The following ADA2 variants were observed in gnomAD, a reference collection of about 807,000 sequenced individuals.
ADA2 encodes adenosine deaminase CECR1.
A neutral mutation model predicts 44.2 loss-of-function variants in ADA2; 29 were observed. The observed-to-expected ratio is 0.66, with a 90% CI of 0.49 to 0.89. The LOEUF (loss-of-function observed/expected upper bound fraction) is 0.89, where lower values mean the gene tolerates loss of function less well. Among genes scored for constraint, ADA2 ranks in the 40% least tolerant of loss-of-function variants. The pLI is 0.00. For missense variants in ADA2, 637 were observed against 644.8 expected, an observed-to-expected ratio of 0.99 and a Z score of 0.13; for synonymous variants, 215 against 234.9, an observed-to-expected ratio of 0.92 and a Z score of 0.77.
At chr22:17,199,317 G>A (rs2062239190) in intron 4 of ADA2, among the ~76,000 whole-genome samples, 1 of 147,302 alleles carries the variant, frequency 6.8e-6, no homozygotes, top group Non-Finnish European at 1.5e-5. Context: ...GGAAGCCAGT[G>A]CTCTGGCCCT....
At position 17,203,581 on chromosome 22, in the gene ADA2, G is replaced by C. The variant is rs143648454; in HGVS notation, c.735C>G (p.Ile245Met). The C allele has an allele frequency of 1.4e-5, 22 of 1,612,378 alleles. No homozygotes were observed. The highest frequency in any genetic ancestry group is 1.4e-5 in the Non-Finnish European group (17 of 1,179,810). ...FYEDNVLYME[I>M]RARLLPVYEL... The stretch of plus-strand genomic sequence containing the variant: ...GGCTCACCGGCAGCAGCCTGGCTCT[G>C]ATCTCCATGTAGAGCACGTTGTCCT... Residue 245 changes from isoleucine to methionine, a missense_variant, in exon 4 of 10, where the codon ATC becomes ATG. By Grantham distance (10) the Ile-to-Met change is conservative. Transcript: ENST00000399837.
chr22:17,200,959 A>G (rs2401075), intron 4 of ADA2, among the ~76,000 whole-genome samples: 11,967 of 151,304 alleles, frequency 0.079, 524 homozygotes, highest in Middle Eastern at 0.14. Flanking sequence ...TGAGACCCAC[A>G]AACTGGAATA....
intron 1 of ADA2, among the ~76,000 whole-genome samples, chr22:17,218,409 G>T (rs5748957): frequency 0.54 from 81,464 of 151,824 alleles, 23,285 homozygotes; most frequent in East Asian, 0.88. Context: ...AGTGCTGGAC[G>T]TCAGCAGAAC....
chr22:17,209,474 G>A lies in ADA2; in HGVS notation c.204C>T (p.Ile68=), dbSNP rs1469448141. The A allele has an allele frequency of 2.5e-6, 4 of 1,614,094 alleles. No homozygotes were observed. The highest frequency in any genetic ancestry group is 1.3e-5 in the African/African-American group (1 of 75,006). ...LANERLMTLK[I]AEMKEAMRTL... is the part of the protein sequence containing the mutation. ...TCCTCATGGCCTCCTTCATCTCAGC[G>A]ATTTTGAGCGTCATGAGCCTCTCAT... The change falls in exon 2 of 10, where the codon ATC becomes ATT. Residue 68 remains isoleucine (I), a synonymous_variant. Coordinates refer to ENST00000399837, the MANE Select transcript of ADA2 (RefSeq NM_001282225.2).
At chr22:17,214,731 A>T (rs2062452673) in intron 1 of ADA2, among the ~76,000 whole-genome samples, 1 of 152,224 alleles carries the variant, frequency 6.6e-6, no homozygotes, top group South Asian at 2.1e-4. Flanking sequence ...GTGGCAGAAC[A>T]GCCACCTAAG....
intron 4 of ADA2, among the ~76,000 whole-genome samples, chr22:17,194,503 C>T (rs1418297779): frequency 6.6e-6 from 1 of 152,048 alleles, no homozygotes; most frequent in Non-Finnish European, 1.5e-5. Context: ...GGTGCTGCCC[C>T]GCTGCCTGGG....
At position 17,194,525 on chromosome 22, in the gene ADA2, G is replaced by C. The variant is rs192261329; in HGVS notation, c.754-2715C>G. ...CCCCGCTGCCTGGGCAGGCGCAGTG[G>C]GGGAGCAGGCAGTGAGGCTCTCCAC... is the stretch of plus-strand genomic sequence containing the variant. On this transcript the variant is annotated intron_variant, in intron 4 of 9. Coordinates refer to ENST00000399837, the MANE Select transcript of ADA2 (RefSeq NM_001282225.2). Among the ~76,000 whole-genome samples, 7 of 152,274 alleles carry C rather than the reference G, an allele frequency of 4.6e-5. No individual in the cohort carries two copies. In the East Asian group the frequency reaches 5.8e-4, roughly 13 times the overall value.
chr22:17,184,983 A>AATATATATATATATATATATATATATAT (rs374170344), intron 7 of ADA2, among the ~76,000 whole-genome samples: 806 of 77,894 alleles, frequency 0.01, 23 homozygotes, highest in African/African-American at 0.014. Flanking sequence ...CCCATGTCAA[A>AATATATATATATATATATATATATATAT]ATATATATAT....
intron 6 of ADA2, chr22:17,188,864 A>AAAAAAAAAAAAAAAAAAAAAAC (rs2062074886): frequency 2.1e-5 from 1 of 48,754 alleles, no homozygotes; most frequent in African/African-American, 6.0e-5. Flanking sequence ...GGCCAAGAGC[A>AAAAAAAAAAAAAAAAAAAAAAC]AAAAATATAT....
At position 17,207,399 on chromosome 22, in the gene ADA2, TG is replaced by T. The variant is rs1255806007; in HGVS notation, c.323-110del. 5 of 747,072 alleles carry T rather than the reference TG, an allele frequency of 6.7e-6. No individual in the cohort carries two copies. The African/African-American group carries it at 7.3e-5, about 11-fold the overall frequency. The allele number at this position is 747,072 out of a possible 1,614,324, so 46.3% of individuals were successfully genotyped here. On this transcript the variant is annotated intron_variant, in intron 2 of 9. Coordinates refer to ENST00000399837, the MANE Select transcript of ADA2 (RefSeq NM_001282225.2). ...AAGTCCCATCCCAGGACTCTGGGGCTGTGGGGACAAAGGGGTGAAGTCCCAT... is the reference window on the plus strand; with the variant it reads ...AAGTCCCATCCCAGGACTCTGGGGCTTGGGGACAAAGGGGTGAAGTCCCAT...
In ADA2 at chr22:17,188,444, C is replaced by T. The variant is rs770635459; in HGVS notation, c.976G>A (p.Gly326Arg). Reference protein sequence around the residue: ...PTVVAGFDLVGHEDTGHSLHD... With the variant: ...PTVVAGFDLVRHEDTGHSLHD... ...AAGGAGTGGCCAGTGTCCTCATGCC[C>T]CACCTGCAGGACAGAGAGGGACAGG... Residue 326 changes from glycine (G) to arginine (R), a missense_variant, in exon 7 of 10, where the codon GGG (glycine) becomes AGG (arginine). Gly to Arg is a moderately radical substitution (Grantham distance 125, BLOSUM62 -2). Coordinates refer to ENST00000399837, the MANE Select transcript of ADA2 (RefSeq NM_001282225.2). The T allele has an allele frequency of 1.6e-5, 25 of 1,608,680 alleles. No homozygotes were observed. Among genetic ancestry groups the T allele is most frequent in the South Asian group, 2.2e-5 (2 of 90,972 alleles).
At chr22:17,188,292 T>A in intron 7 of ADA2, 47 bp downstream of exon 7, 2 of 1,401,202 alleles carry the variant, frequency 1.4e-6, no homozygotes, top group Non-Finnish European at 2.0e-6. Flanking sequence ...CCAGGAGCTC[T>A]CCCATTGACC....
intron 4 of ADA2, chr22:17,199,438 T>TCTTCCCCACCCACCCCTCCTCTATCCA: frequency 1.0e-6 from 1 of 995,472 alleles, no homozygotes; most frequent in Non-Finnish European, 1.6e-6. Context: ...TCCTCTATCC[T>TCTTCCCCACCCACCCCTCCTCTATCCA]CTTCCCCTCC....
chr22:17,185,719 C>T (rs1016188410), intron 7 of ADA2, among the ~76,000 whole-genome samples: 14 of 152,188 alleles, frequency 9.2e-5, no homozygotes, highest in African/African-American at 3.1e-4. Context: ...TAAATTGACT[C>T]GAAATGTCAG....
chr22:17,188,081 A>T (rs2062058596), intron 7 of ADA2, among the ~76,000 whole-genome samples: 1 of 101,664 alleles, frequency 9.8e-6, no homozygotes, highest in African/African-American at 3.3e-5. Context: ...CCGTAAAAAA[A>T]AGAAAAAAAA....
chr22:17,199,233 G>T (rs1276944670), intron 4 of ADA2, among the ~76,000 whole-genome samples: 2 of 152,214 alleles, frequency 1.3e-5, no homozygotes, highest in Non-Finnish European at 1.5e-5. Context: ...AGCTGGGCAG[G>T]CCCCCAAGTC....
rs2062111514 is a variant in ADA2, at chr22:17,191,308, C to CAGA, written c.881+372_881+374dup. ...TCAAGGACTCACACACAACCACACA[C>CAGA]AGAACCCAGAGGCAAATTGAAACCA... On this transcript the variant is annotated intron_variant, in intron 5 of 9. Coordinates refer to ENST00000399837, the MANE Select transcript of ADA2 (RefSeq NM_001282225.2). 2.0e-5 allele frequency among the ~76,000 whole-genome samples: 3 copies of CAGA among 152,226 alleles called. No homozygotes were observed. The South Asian group carries it at 6.2e-4, about 32-fold the overall frequency.
At chr22:17,190,386 A>T (rs1187164259) in intron 5 of ADA2, among the ~76,000 whole-genome samples, 1 of 152,170 alleles carries the variant, frequency 6.6e-6, no homozygotes, top group East Asian at 1.9e-4. Flanking sequence ...GGGGGTGTAG[A>T]CATGGATGCA....
At chr22:17,212,928 C>T (rs2062432826) in intron 1 of ADA2, among the ~76,000 whole-genome samples, 1 of 150,126 alleles carries the variant, frequency 6.7e-6, no homozygotes, top group African/African-American at 2.5e-5. Flanking sequence ...TCCTGAGTAG[C>T]TGAGTGTAGT....
Sources: gnomAD v4.1 joint callset for allele counts (sites outside exome capture counted in the v4.1 genomes callset) on GRCh38, gnomAD v4.1.1 for gene constraint, MANE v1.5 for transcripts, NCBI Gene and HGNC (gene_info 2026-07-23, HGNC 2026-07-21) for gene names.